The following PTPN9 variants were observed in gnomAD, a reference collection of about 807,000 sequenced individuals.
The protein encoded by PTPN9 is tyrosine-protein phosphatase non-receptor type 9.
Under a neutral mutation model 69.8 loss-of-function variants are expected in PTPN9, and 26 were observed. The ratio of observed to expected loss-of-function variants is 0.37; its 90% CI spans 0.27 to 0.52. The LOEUF (loss-of-function observed/expected upper bound fraction) is 0.52, where lower values mean the gene tolerates loss of function less well. PTPN9 is among the 20% of genes least tolerant of loss of function. The pLI is 0.91. For missense variants in PTPN9, 549 were observed against 740.3 expected, an observed-to-expected ratio of 0.74 and a Z score of 3.00; for synonymous variants, 274 against 272.5, an observed-to-expected ratio of 1.01 and a Z score of -0.05.
In PTPN9 at chr15:75,562,598, G is replaced by A. The variant is rs576495033; in HGVS notation, c.63+16116C>T. On this transcript the variant is annotated intron_variant, in intron 1 of 12. Coordinates refer to ENST00000618819, the MANE Select transcript of PTPN9 (RefSeq NM_002833.4). ...TGTAATCCCAACGCTTTGGGAGGCC[G>A]AGGCGGGTGGATCACGAGGTCAGGA... 6.0e-4 allele frequency among the ~76,000 whole-genome samples: 92 copies of A among 152,158 alleles called. 1 individual carries two copies. The South Asian group carries it at 0.017, about 29-fold the overall frequency.
At chr15:75,507,639 C>T (rs2074826560) in intron 6 of PTPN9, among the ~76,000 whole-genome samples, 1 of 147,382 alleles carries the variant, frequency 6.8e-6, no homozygotes, top group Non-Finnish European at 1.5e-5. Context: ...TGACAGCACA[C>T]GCCTGTAGTC....
chr15:75,523,223 G>A lies in PTPN9; in HGVS notation c.320C>T (p.Ala107Val), dbSNP rs758473931. Residue 107 changes from alanine to valine, a missense_variant, in exon 4 of 13, where the codon GCC becomes GTC. Coordinates refer to ENST00000618819, the MANE Select transcript of PTPN9 (RefSeq NM_002833.4). ...TILNVRDPTG[A>V]SIALFTARLH... Reference sequence around the variant, plus strand: ...CCTGGCAGTAAAGAGGGCAATGGAGGCTCCTGTTGGGTCCCGAACATTCTA... The same window carrying A: ...CCTGGCAGTAAAGAGGGCAATGGAGACTCCTGTTGGGTCCCGAACATTCTA... 1.9e-6 allele frequency: 3 copies of A among 1,614,018 alleles called. No homozygotes were observed. The highest frequency in any genetic ancestry group is 1.1e-5 in the South Asian group (1 of 91,064).
intron 3 of PTPN9, 68 bp from the exon 4 acceptor site, chr15:75,523,313 T>C: frequency 1.3e-6 from 2 of 1,526,598 alleles, no homozygotes; most frequent in South Asian, 2.4e-5. Context: ...CTAAGACTTA[T>C]ATACTGGATA....
chr15:75,486,193 A>G (rs1262982721), intron 8 of PTPN9, among the ~76,000 whole-genome samples: 1 of 152,094 alleles, frequency 6.6e-6, no homozygotes, highest in Non-Finnish European at 1.5e-5. Context: ...AACCCGGAAC[A>G]CTATGTTGTG....
chr15:75,506,623 C>T (rs1454218916), intron 6 of PTPN9, among the ~76,000 whole-genome samples: 3 of 152,240 alleles, frequency 2.0e-5, no homozygotes, highest in Middle Eastern at 3.4e-3. Flanking sequence ...GATCCTTCCA[C>T]CTCAGCCCCT....
At chr15:75,539,392 C>A (rs1006566645) in intron 1 of PTPN9, among the ~76,000 whole-genome samples, 26 of 151,418 alleles carry the variant, frequency 1.7e-4, no homozygotes, top group Admixed American at 3.9e-4. Flanking sequence ...TGGCTCACTG[C>A]AACCTCTGCC....
At chr15:75,519,138 C>T (rs1341641078) in intron 4 of PTPN9, among the ~76,000 whole-genome samples, 1 of 152,150 alleles carries the variant, frequency 6.6e-6, no homozygotes, top group African/African-American at 2.4e-5. Context: ...GACAGAGTTT[C>T]ACTCTTGTCA....
At chr15:75,566,852 T>A (rs1033769521) in intron 1 of PTPN9, among the ~76,000 whole-genome samples, 1 of 151,834 alleles carries the variant, frequency 6.6e-6, no homozygotes, top group Non-Finnish European at 1.5e-5. Context: ...TAGCTGGATG[T>A]GATGACACGG....
intron 9 of PTPN9, among the ~76,000 whole-genome samples, chr15:75,478,519 C>G (rs931288239): frequency 6.6e-6 from 1 of 152,214 alleles, no homozygotes; most frequent in Non-Finnish European, 1.5e-5. Flanking sequence ...GATACTCCCC[C>G]CTCAGCCTCC....
chr15:75,552,878 G>A (rs1384334954), intron 1 of PTPN9, among the ~76,000 whole-genome samples: 1 of 150,622 alleles, frequency 6.6e-6, no homozygotes, highest in Non-Finnish European at 1.5e-5. Context: ...CTTTAGCTAA[G>A]AGAACAAATA....
At position 75,578,900 on chromosome 15, in the gene PTPN9, C is replaced by T. The variant is rs544110534; in HGVS notation, c.-124G>A. On this transcript the variant is annotated 5_prime_UTR_variant, in exon 1 of 13. Coordinates refer to ENST00000618819, the MANE Select transcript of PTPN9 (RefSeq NM_002833.4). ...GGGGCCGGCTCGCGCATAGTGTGGC[C>T]GGCAGGGCCCGGCGCCTGCAGCGGC... The T allele has an allele frequency of 3.2e-3, 1,685 of 532,892 alleles. 5 individuals carry two copies. Among genetic ancestry groups the T allele is most frequent in the Non-Finnish European group, 4.0e-3 (1,503 of 372,762 alleles). The allele number at this position is 532,892 out of a possible 1,614,324, so 33.0% of individuals were successfully genotyped here.
Position 75,481,310 on chromosome 15 carries a change from C to T in PTPN9, c.1063-1396G>A, listed in dbSNP as rs1401176378. Among the ~76,000 whole-genome samples the T allele has an allele frequency of 1.7e-4, 12 of 71,092 alleles. No individual in the cohort carries two copies. In the East Asian group the frequency reaches 5.1e-3, roughly 30 times the overall value. 46.6% of individuals were successfully genotyped at this position (71,092 alleles called of 152,430 possible). On this transcript the variant is annotated intron_variant, in intron 8 of 12. Transcript: ENST00000618819. ...ATCTGGGAAGTGAGGAGCGTCTCCG[C>T]CGGGCAGCCACCCCGTCCGGGAGGG...
chr15:75,536,847 C>G (rs2074984311), intron 1 of PTPN9, among the ~76,000 whole-genome samples: 1 of 152,130 alleles, frequency 6.6e-6, no homozygotes, highest in Non-Finnish European at 1.5e-5. Context: ...GAAAAAAAAT[C>G]TAGCAACAGG....
intron 1 of PTPN9, among the ~76,000 whole-genome samples, chr15:75,556,654 G>C (rs1030630061): frequency 6.6e-6 from 1 of 152,096 alleles, no homozygotes; most frequent in Admixed American, 6.6e-5. Context: ...CTGGGATTCA[G>C]GTGTGAGCCA....
intron 1 of PTPN9, among the ~76,000 whole-genome samples, chr15:75,576,859 A>G (rs757381264): frequency 5.9e-5 from 9 of 152,138 alleles, no homozygotes; most frequent in South Asian, 2.1e-4. Context: ...AAAAAAAAAG[A>G]GAGTACTCTT....
intron 1 of PTPN9, among the ~76,000 whole-genome samples, chr15:75,538,306 G>A (rs914958583): frequency 1.3e-5 from 2 of 152,056 alleles, no homozygotes; most frequent in African/African-American, 4.8e-5. Flanking sequence ...AGATGAGAAG[G>A]CCAGCAGGTA....
At chr15:75,489,981 T>A (rs1416977448) in intron 8 of PTPN9, among the ~76,000 whole-genome samples, 3 of 152,216 alleles carry the variant, frequency 2.0e-5, no homozygotes, top group African/African-American at 7.2e-5. Flanking sequence ...CCTTGCACTA[T>A]CAGCATTCAC....
At chr15:75,574,346 C>T (rs536763925) in intron 1 of PTPN9, among the ~76,000 whole-genome samples, 3 of 150,584 alleles carry the variant, frequency 2.0e-5, no homozygotes, top group East Asian at 1.9e-4. Flanking sequence ...TGCTTCTTTG[C>T]GGGGCAGGCA....
At chr15:75,558,380 G>A (rs184593229) in intron 1 of PTPN9, among the ~76,000 whole-genome samples, 34 of 151,732 alleles carry the variant, frequency 2.2e-4, no homozygotes, top group Non-Finnish European at 3.4e-4. Context: ...GGTGGCACAC[G>A]CCTGTAATCC....
Sources: gnomAD v4.1 joint callset for allele counts (sites outside exome capture counted in the v4.1 genomes callset) on GRCh38, gnomAD v4.1.1 for gene constraint, MANE v1.5 for transcripts, NCBI Gene and HGNC (gene_info 2026-07-23, HGNC 2026-07-21) for gene names.